SH3RF3: variants seen among roughly 807,000 people sequenced by gnomAD.
The protein encoded by SH3RF3 is SH3 domain containing ring finger 3.
A neutral mutation model predicts 66.3 loss-of-function variants in SH3RF3; 29 were observed. The observed-to-expected ratio is 0.44, with a 90% CI of 0.33 to 0.60. The LOEUF is 0.60. SH3RF3 is among the 20% of genes least tolerant of loss of function. SH3RF3 has a pLI of 0.04. For missense variants in SH3RF3, 1,194 were observed against 1,190.9 expected, an observed-to-expected ratio of 1.00 and a Z score of -0.04; for synonymous variants, 583 against 532.0, an observed-to-expected ratio of 1.10 and a Z score of -1.32.
intron 1 of SH3RF3, among the ~76,000 whole-genome samples, chr2:109,157,725 C>T (rs890644973): frequency 6.6e-6 from 1 of 152,174 alleles, no homozygotes; most frequent in African/African-American, 2.4e-5. Flanking sequence ...TAGGATCATC[C>T]TGAGATGCCA....
chr2:109,346,085 T>G (rs1282687853), intron 1 of SH3RF3, among the ~76,000 whole-genome samples: 1 of 152,256 alleles, frequency 6.6e-6, no homozygotes, highest in Non-Finnish European at 1.5e-5. Context: ...TCTTGCAAAT[T>G]ACCCCTTGCC....
At chr2:109,380,596 C>G (rs556289172) in intron 3 of SH3RF3, among the ~76,000 whole-genome samples, 3 of 152,352 alleles carry the variant, frequency 2.0e-5, no homozygotes, top group African/African-American at 7.2e-5. Context: ...GCCAGCCTCC[C>G]TGGGAGCTTC....
intron 5 of SH3RF3, among the ~76,000 whole-genome samples, chr2:109,428,642 AGGT>A (rs1573243645): frequency 1.3e-5 from 2 of 152,362 alleles, no homozygotes; most frequent in East Asian, 3.9e-4. Flanking sequence ...ACACGCTACC[AGGT>A]GGTGGTGAGG....
chr2:109,301,193 G>A (rs1207620058), intron 1 of SH3RF3, among the ~76,000 whole-genome samples: 2 of 152,190 alleles, frequency 1.3e-5, no homozygotes, highest in Non-Finnish European at 2.9e-5. Flanking sequence ...GATTGCCCTG[G>A]TTCCTCTGCG....
At chr2:109,410,681 T>A (rs541496924) in intron 4 of SH3RF3, among the ~76,000 whole-genome samples, 29 of 152,236 alleles carry the variant, frequency 1.9e-4, no homozygotes, top group Non-Finnish European at 3.8e-4. Context: ...TCGGAACATG[T>A]GTGTCCACTT....
chr2:109,353,993 C>T (rs1682894182), intron 2 of SH3RF3, among the ~76,000 whole-genome samples: 1 of 152,176 alleles, frequency 6.6e-6, no homozygotes, highest in African/African-American at 2.4e-5. Flanking sequence ...CCCCCGAAGT[C>T]TCAGTGACAG....
intron 8 of SH3RF3, among the ~76,000 whole-genome samples, chr2:109,485,848 A>C (rs1033282714): frequency 6.6e-6 from 1 of 152,184 alleles, no homozygotes; most frequent in African/African-American, 2.4e-5. Flanking sequence ...CTTGAGAGCC[A>C]GGGCTGCAGC....
intron 1 of SH3RF3, among the ~76,000 whole-genome samples, chr2:109,203,999 C>CT (rs1678748348): frequency 1.3e-5 from 2 of 152,298 alleles, no homozygotes; most frequent in Admixed American, 1.3e-4. Context: ...TGAAGGGGCT[C>CT]TGAGTGTGAA....
chr2:109,310,072 A>T (rs1681691689), intron 1 of SH3RF3, among the ~76,000 whole-genome samples: 1 of 111,518 alleles, frequency 9.0e-6, no homozygotes, highest in South Asian at 3.0e-4. Flanking sequence ...CTATTCCAAA[A>T]TTGACCACAT....
chr2:109,430,743 CTG>C (rs1156456752), intron 5 of SH3RF3, among the ~76,000 whole-genome samples: 1 of 152,200 alleles, frequency 6.6e-6, no homozygotes, highest in Non-Finnish European at 1.5e-5. Flanking sequence ...AGCATTGAAA[CTG>C]TGAACGTGGT....
intron 1 of SH3RF3, among the ~76,000 whole-genome samples, chr2:109,329,478 C>T (rs576173222): frequency 2.6e-5 from 4 of 152,294 alleles, no homozygotes; most frequent in African/African-American, 7.2e-5. Context: ...ATGGCTGGAG[C>T]GGTGTCTTTC....
intron 1 of SH3RF3, among the ~76,000 whole-genome samples, chr2:109,136,799 C>T (rs915154883): frequency 3.3e-5 from 5 of 152,172 alleles, no homozygotes; most frequent in Admixed American, 6.5e-5. Context: ...CACAGGAATT[C>T]GGATCAGGAG....
chr2:109,189,120 C>G (rs1678272284), intron 1 of SH3RF3, among the ~76,000 whole-genome samples: 2 of 152,088 alleles, frequency 1.3e-5, no homozygotes, highest in Non-Finnish European at 1.5e-5. Context: ...CACTGCCTTG[C>G]TAGCAGAGGC....
chr2:109,466,986 G>A (rs1405445301), intron 8 of SH3RF3, among the ~76,000 whole-genome samples: 2 of 152,102 alleles, frequency 1.3e-5, no homozygotes, highest in African/African-American at 4.8e-5. Context: ...TTCATACTCT[G>A]TGAAAGAGAG....
intron 1 of SH3RF3, among the ~76,000 whole-genome samples, chr2:109,253,273 C>T (rs1680138543): frequency 6.6e-6 from 1 of 152,342 alleles, no homozygotes; most frequent in Non-Finnish European, 1.5e-5. Flanking sequence ...CCTGCCTCAG[C>T]CTCCCAAAGT....
chr2:109,449,162 G>A lies in SH3RF3; in HGVS notation c.1829-8G>A, dbSNP rs561712840. The A allele has an allele frequency of 1.5e-5, 24 of 1,612,330 alleles. No homozygotes were observed. In the East Asian group the frequency reaches 2.9e-4, roughly 19 times the overall value. On this transcript the variant is annotated splice_region_variant and splice_polypyrimidine_tract_variant and intron_variant, in intron 7 of 9. Transcript: ENST00000309415. ...TTCAACCTGCTGTCTCTCCAACCCC[G>A]TCTCCAGCTGCCCACTCTGCAGCCC...
intron 3 of SH3RF3, among the ~76,000 whole-genome samples, chr2:109,392,741 T>A (rs1676036913): frequency 6.6e-6 from 1 of 151,860 alleles, no homozygotes; most frequent in Non-Finnish European, 1.5e-5. Context: ...GGTCTTGATC[T>A]CCTGACCTTG....
At chr2:109,241,059 A>G (rs1019594562) in intron 1 of SH3RF3, among the ~76,000 whole-genome samples, 6 of 152,250 alleles carry the variant, frequency 3.9e-5, no homozygotes, top group African/African-American at 1.4e-4. Flanking sequence ...CTAAAAATAT[A>G]TGTTTAAAAT....
chr2:109,140,403 C>T (rs981381367), intron 1 of SH3RF3, among the ~76,000 whole-genome samples: 11 of 150,990 alleles, frequency 7.3e-5, no homozygotes, highest in East Asian at 2.0e-4. Flanking sequence ...TTTTTAGAGA[C>T]GGAGTCTTGC....
Sources: gnomAD v4.1 joint callset for allele counts (sites outside exome capture counted in the v4.1 genomes callset) on GRCh38, gnomAD v4.1.1 for gene constraint, MANE v1.5 for transcripts, NCBI Gene and HGNC (gene_info 2026-07-23, HGNC 2026-07-21) for gene names.